ATM: variants seen among roughly 807,000 people sequenced by gnomAD.
The protein encoded by ATM is ATM serine/threonine kinase, also known as serine-protein kinase ATM.
ATM carries 308 observed loss-of-function variants against 387.0 expected under a neutral mutation model. That is an observed-to-expected ratio of 0.80 (90% CI 0.73 to 0.87). The LOEUF (loss-of-function observed/expected upper bound fraction) is 0.87, where lower values mean the gene tolerates loss of function less well. Among genes scored for constraint, ATM ranks in the 40% least tolerant of loss-of-function variants. The pLI, the probability that ATM is intolerant of heterozygous loss-of-function variation, is 0.00. For missense variants in ATM, 3,312 were observed against 3,560.9 expected, an observed-to-expected ratio of 0.93 and a Z score of 1.78; for synonymous variants, 1,156 against 1,187.3, an observed-to-expected ratio of 0.97 and a Z score of 0.54.
At chr11:108,270,964 G>C (rs1484930727) in intron 18 of ATM, 100 bp from the exon 19 acceptor site, 1 of 942,180 alleles carries the variant, frequency 1.1e-6, no homozygotes, top group Non-Finnish European at 1.7e-6. Flanking sequence ...AAAGTGCTGG[G>C]ATTACAGGTG....
At chr11:108,298,348 TA>T (rs1223801379) in intron 33 of ATM, among the ~76,000 whole-genome samples, 1 of 152,242 alleles carries the variant, frequency 6.6e-6, no homozygotes, top group Non-Finnish European at 1.5e-5. Flanking sequence ...TTGTAGATTT[TA>T]AAAAATTGAG....
intron 61 of ATM, among the ~76,000 whole-genome samples, chr11:108,362,715 C>T (rs1245527215): frequency 2.8e-5 from 4 of 143,806 alleles, no homozygotes; most frequent in South Asian, 2.3e-4. Flanking sequence ...AACCAAACAC[C>T]GCATATTCTC....
rs876659605 is a variant in ATM at position 108,282,835 on chromosome 11, T to G, written c.3702T>G (p.Phe1234Leu). The change falls in exon 25 of 63, where the codon TTT becomes TTG. Residue 1234 changes from phenylalanine to leucine, a missense_variant. Coordinates refer to ENST00000675843, the MANE Select transcript of ATM (RefSeq NM_000051.4). ...LQDTEYNLSSFPFILLNYTNI... is the reference protein window; with the variant it reads ...LQDTEYNLSSLPFILLNYTNI... ...ATACTGAATACAACTTATCTTCTTT[T>G]CCTTTTATTTTATTAAACTACACAA... 6.5e-7 allele frequency: 1 copy of G among 1,536,544 alleles called. No individual in the cohort carries two copies. Among genetic ancestry groups the G allele is most frequent in the Non-Finnish European group, 9.0e-7 (1 of 1,112,248 alleles).
chr11:108,265,573 G>A (rs1212573238), intron 16 of ATM, among the ~76,000 whole-genome samples: 60 of 143,208 alleles, frequency 4.2e-4, no homozygotes, highest in Admixed American at 4.9e-4. Context: ...ATAGGCATGG[G>A]CAAGGACTTC....
chr11:108,342,090 G>A (rs2087651565), intron 56 of ATM, among the ~76,000 whole-genome samples: 1 of 151,708 alleles, frequency 6.6e-6, no homozygotes, highest in Admixed American at 6.6e-5. Context: ...GATTTTTTTT[G>A]CAGTTTTTTT....
chr11:108,334,851 C>T, intron 54 of ATM, 118 bp from the exon 55 acceptor site: 1 of 1,249,564 alleles, frequency 8.0e-7, no homozygotes. Context: ...TTCTTAACCA[C>T]TATCACATCG....
chr11:108,285,042 C>G (rs1407205315), intron 26 of ATM, among the ~76,000 whole-genome samples: 2 of 152,128 alleles, frequency 1.3e-5, no homozygotes, highest in Non-Finnish European at 2.9e-5. Flanking sequence ...TCACTGAAGC[C>G]TCTGTCTCCT....
At chr11:108,332,569 C>G (rs1228585465) in intron 52 of ATM, among the ~76,000 whole-genome samples, 193 bp from the exon 53 acceptor site, 3 of 152,078 alleles carry the variant, frequency 2.0e-5, no homozygotes, top group Non-Finnish European at 4.4e-5. Context: ...TTGAAAGGCA[C>G]CTAAGTCATT....
intron 61 of ATM, 59 bp from the exon 62 acceptor site, chr11:108,365,017 ACTGTTT>A (rs2091184206): frequency 1.5e-5 from 24 of 1,567,610 alleles, no homozygotes; most frequent in Admixed American, 3.5e-5. Flanking sequence ...TACTGGTTCT[ACTGTTT>A]CTAAGTATGT....
chr11:108,253,825 A>G lies in ATM; in HGVS notation c.1910A>G (p.Gln637Arg), dbSNP rs1565389611. ...TTACTTTCTTGAAGTGAACACCACC[A>G]AAAAGATAAAGAAGAACTTTCATTC... ...FQSVPECEHHQKDKEELSFSE... is the reference protein window; with the variant it reads ...FQSVPECEHHRKDKEELSFSE... The change falls in exon 13 of 63, where the codon CAA (glutamine) becomes CGA (arginine). Residue 637 changes from glutamine to arginine, a missense_variant. This residue lies in a region of ATM where 1,791 missense variants were observed against 1,804.5 expected (regional missense o/e 0.99). Coordinates refer to ENST00000675843, the MANE Select transcript of ATM (RefSeq NM_000051.4). 2 of 1,613,442 alleles carry G rather than the reference A, an allele frequency of 1.2e-6. No individual in the cohort carries two copies. The highest frequency in any genetic ancestry group is 1.1e-5 in the South Asian group (1 of 91,024).
chr11:108,360,273 G>A (rs536148537), intron 61 of ATM, among the ~76,000 whole-genome samples: 1 of 149,964 alleles, frequency 6.7e-6, no homozygotes, highest in African/African-American at 2.4e-5. Flanking sequence ...GAATAGACCA[G>A]TAACAGGAGC....
intron 59 of ATM, among the ~76,000 whole-genome samples, chr11:108,348,808 T>C (rs2088816667): frequency 6.7e-6 from 1 of 150,372 alleles, no homozygotes; most frequent in Non-Finnish European, 1.5e-5. Context: ...CTTTTTATTA[T>C]TTATTGAAGT....
Position 108,335,941 on chromosome 11 carries a change from T to C in ATM, c.8248T>C (p.Leu2750=), listed in dbSNP as rs876658559. 21 of 1,611,508 alleles carry C rather than the reference T, an allele frequency of 1.3e-5. No homozygotes were observed. ...AAACACGGAAACTAGGAAGAGGAAA[T>C]TAACTATCTGTACTTATAAGGTAAC... ...QRNTETRKRK[L]TICTYKVVPL... Residue 2750 remains leucine (L), a synonymous_variant, in exon 56 of 63, where the codon TTA becomes CTA. Transcript: ENST00000675843.
intron 39 of ATM, among the ~76,000 whole-genome samples, chr11:108,311,234 C>A (rs927655232): frequency 2.6e-5 from 4 of 152,132 alleles, no homozygotes; most frequent in African/African-American, 9.7e-5. Context: ...CTCAGCCTTT[C>A]AAAGTGCTGG....
chr11:108,271,055 C>T lies in ATM; in HGVS notation c.2839-9C>T, dbSNP rs549418963. ...ATAAACCTGATTTTTTTCCCTCCTA[C>T]CATCTTAGTATCTAATGCTTTTAAA... On this transcript the variant is annotated splice_polypyrimidine_tract_variant and intron_variant, in intron 18 of 62. Transcript: ENST00000675843. 2 of 1,611,226 alleles carry T rather than the reference C, an allele frequency of 1.2e-6. No homozygotes were observed. The highest frequency in any genetic ancestry group is 8.5e-7 in the Non-Finnish European group (1 of 1,177,538).
intron 59 of ATM, among the ~76,000 whole-genome samples, chr11:108,350,155 T>C (rs546744774): frequency 1.5e-4 from 23 of 152,288 alleles, no homozygotes; most frequent in Non-Finnish European, 2.5e-4. Flanking sequence ...AAGGGGCACT[T>C]TCAATCCTAA....
At chr11:108,308,803 A>T in intron 38 of ATM, 1 of 536,302 alleles carries the variant, frequency 1.9e-6, no homozygotes, top group South Asian at 2.5e-5. Flanking sequence ...TCTCTAGTAG[A>T]AAAAGAAGTT....
At chr11:108,268,912 A>G (rs1310471105) in intron 18 of ATM, among the ~76,000 whole-genome samples, 2 of 152,214 alleles carry the variant, frequency 1.3e-5, no homozygotes, top group Non-Finnish European at 2.9e-5. Context: ...ATTACATAAC[A>G]TTGTGTTTGA....
At chr11:108,283,266 CTTGT>C (rs1372346021) in intron 25 of ATM, among the ~76,000 whole-genome samples, 1 of 152,092 alleles carries the variant, frequency 6.6e-6, no homozygotes. Context: ...TTATTTCTGC[CTTGT>C]TTTTCTTTTC....
Sources: allele counts gnomAD v4.1 joint callset (sites outside exome capture counted in the v4.1 genomes callset), GRCh38; gene constraint gnomAD v4.1.1; regional missense constraint gnomAD v4.1.1; transcripts MANE v1.5; gene names NCBI Gene and HGNC (gene_info 2026-07-23, HGNC 2026-07-21).